Variants in CPEB3 observed in about 807,000 individuals in gnomAD.
CPEB3 encodes the protein cytoplasmic polyadenylation element-binding protein 3.
Under a neutral mutation model 67.2 loss-of-function variants are expected in CPEB3, and 20 were observed. The ratio of observed to expected loss-of-function variants is 0.30; its 90% confidence interval spans 0.21 to 0.43. CPEB3 has a LOEUF of 0.43. Ranked by LOEUF, CPEB3 falls within the 20% of genes least tolerant of loss-of-function variation. The probability of loss-of-function intolerance (pLI) is 1.00; values close to 1 mark genes in which losing one functional copy is unlikely to be tolerated. For synonymous variants in CPEB3, 376 were observed against 393.1 expected, an observed-to-expected ratio of 0.96 and a Z score of 0.51; for missense variants, 746 against 968.6, an observed-to-expected ratio of 0.77 and a Z score of 3.05.
chr10:92,227,141 G>C (rs1190647614), intron 2 of CPEB3, among the ~76,000 whole-genome samples: 1 of 152,178 alleles, frequency 6.6e-6, no homozygotes, highest in Non-Finnish European at 1.5e-5. Context: ...CAAAAGGTCA[G>C]GGAGACTGCA....
chr10:92,287,954 T>C (rs1425781672), intron 1 of CPEB3, among the ~76,000 whole-genome samples: 2 of 152,194 alleles, frequency 1.3e-5, no homozygotes, highest in African/African-American at 4.8e-5. Flanking sequence ...TATTCTTGAC[T>C]TTTCATGCAA....
chr10:92,236,782 G>T (rs1039511706), intron 2 of CPEB3, among the ~76,000 whole-genome samples: 2 of 152,072 alleles, frequency 1.3e-5, no homozygotes, highest in African/African-American at 4.8e-5. Flanking sequence ...TACAGTGATT[G>T]CTTTTGCAAT....
At chr10:92,264,109 A>T (rs967022550) in intron 1 of CPEB3, among the ~76,000 whole-genome samples, 2 of 152,160 alleles carry the variant, frequency 1.3e-5, no homozygotes, top group Non-Finnish European at 2.9e-5. Context: ...CAGGCAGATC[A>T]CCTGAGGTCA....
Position 92,239,173 on chromosome 10 carries a change from C to T in CPEB3, c.1005+173G>A, listed in dbSNP as rs144954327. ...TCCAGTAATCACAATGTTCTCCCAA[C>T]CTCATCCTCTGATAATGGAACAGCC... On this transcript the variant is annotated intron_variant, in intron 2 of 9. Coordinates refer to ENST00000265997, the MANE Select transcript of CPEB3 (RefSeq NM_014912.5). The surrounding 1 kb of genome is among the most constrained non-coding windows in gnomAD (Gnocchi z 6.0). 7.0e-3 allele frequency among the ~76,000 whole-genome samples: 1,064 copies of T among 152,308 alleles called. 11 individuals carry two copies. The highest frequency in any genetic ancestry group is 8.4e-3 in the Admixed American group (129 of 15,298).
At chr10:92,188,544 AC>A in intron 3 of CPEB3, among the ~76,000 whole-genome samples, 1 of 151,790 alleles carries the variant, frequency 6.6e-6, no homozygotes, top group East Asian at 1.9e-4. Flanking sequence ...ACATGGTGAA[AC>A]CCGTCTCTAT....
intron 1 of CPEB3, among the ~76,000 whole-genome samples, chr10:92,258,390 G>A (rs572359936): frequency 2.6e-5 from 4 of 151,436 alleles, no homozygotes; most frequent in African/African-American, 7.3e-5. Flanking sequence ...GTGAGCCACC[G>A]TGCCTGGCCA....
chr10:92,261,437 CTGTTT>C (rs546721297), intron 1 of CPEB3, among the ~76,000 whole-genome samples: 131 of 151,852 alleles, frequency 8.6e-4, no homozygotes, highest in Middle Eastern at 6.8e-3. Flanking sequence ...GTCCCTTTTT[CTGTTT>C]TGTTTTGTTT....
intron 1 of CPEB3, among the ~76,000 whole-genome samples, chr10:92,284,708 T>A (rs1383299665): frequency 6.6e-6 from 1 of 152,160 alleles, no homozygotes; most frequent in Non-Finnish European, 1.5e-5. Context: ...ATGTACCACA[T>A]TTGCAATTTG....
chr10:92,238,334 G>A (rs1851639405), intron 2 of CPEB3, among the ~76,000 whole-genome samples: 1 of 152,166 alleles, frequency 6.6e-6, no homozygotes, highest in African/African-American at 2.4e-5. Context: ...TGCTATGGCT[G>A]TGGACTAGAT....
chr10:92,227,270 G>A (rs766155819), intron 2 of CPEB3, among the ~76,000 whole-genome samples: 13 of 152,272 alleles, frequency 8.5e-5, no homozygotes, highest in South Asian at 4.1e-4. Flanking sequence ...TCACAAGAAC[G>A]TGTAAGGATT....
intron 7 of CPEB3, among the ~76,000 whole-genome samples, chr10:92,092,729 G>A (rs929087149): frequency 5.3e-5 from 8 of 151,752 alleles, no homozygotes; most frequent in South Asian, 2.1e-4. Flanking sequence ...GCAGTGAGCC[G>A]AGATCACGCC....
At position 92,209,291 on chromosome 10, in the gene CPEB3, G is replaced by A. The variant is rs543428090; in HGVS notation, c.1006-16655C>T. Among the ~76,000 whole-genome samples the A allele has an allele frequency of 2.0e-5, 3 of 152,366 alleles. 1 individual carries two copies. The East Asian group carries it at 5.8e-4, about 29-fold the overall frequency. On this transcript the variant is annotated intron_variant, in intron 2 of 9. Transcript: ENST00000265997. ...TATAATCCCAGCATTCTGGGAGGCCGATGCAGGCAGATCACCTGAGGTCAG... is the reference window on the plus strand; with the variant it reads ...TATAATCCCAGCATTCTGGGAGGCCAATGCAGGCAGATCACCTGAGGTCAG...
chr10:92,216,222 G>A, intron 2 of CPEB3: 1 of 972,862 alleles, frequency 1.0e-6, no homozygotes, highest in South Asian at 1.7e-5. Context: ...CGGATCACAA[G>A]GTCAAGAGAT....
chr10:92,071,357 A>G, intron 9 of CPEB3, among the ~76,000 whole-genome samples: 1 of 152,076 alleles, frequency 6.6e-6, no homozygotes. Context: ...CCAGATTTTT[A>G]TAAACAAATT....
intron 6 of CPEB3, among the ~76,000 whole-genome samples, chr10:92,124,889 C>T (rs1845542237): frequency 6.6e-6 from 1 of 152,260 alleles, no homozygotes; most frequent in Non-Finnish European, 1.5e-5. Context: ...TGCAGCTCCA[C>T]AATGGCCTGT....
At chr10:92,270,559 CT>C (rs571582158) in intron 1 of CPEB3, among the ~76,000 whole-genome samples, 26,731 of 124,856 alleles carry the variant, frequency 0.21, 2,927 homozygotes, top group Non-Finnish European at 0.29. Flanking sequence ...TTTTATATTA[CT>C]TTTTTTTTTT....
intron 1 of CPEB3, among the ~76,000 whole-genome samples, chr10:92,251,076 T>A (rs191639950): frequency 6.6e-6 from 1 of 152,160 alleles, no homozygotes; most frequent in Non-Finnish European, 1.5e-5. Context: ...GATATACAAA[T>A]ACCTACCATT....
chr10:92,138,212 C>T (rs962458912), intron 6 of CPEB3: 18 of 221,212 alleles, frequency 8.1e-5, no homozygotes, highest in African/African-American at 3.7e-4. Flanking sequence ...TGTGACCTTC[C>T]CACCTGTATC....
intron 8 of CPEB3, among the ~76,000 whole-genome samples, chr10:92,085,283 T>C (rs1030707670): frequency 2.6e-5 from 4 of 152,168 alleles, no homozygotes; most frequent in Non-Finnish European, 5.9e-5. Context: ...CATTGGTCTG[T>C]CTGGTCATGG....
Sources: allele counts gnomAD v4.1 joint callset (sites outside exome capture counted in the v4.1 genomes callset), GRCh38; gene constraint gnomAD v4.1.1; non-coding constraint Gnocchi (gnomAD v3.1); transcripts MANE v1.5; gene names NCBI Gene and HGNC (gene_info 2026-07-23, HGNC 2026-07-21).